Variants in PTPRT observed in about 807,000 individuals in gnomAD.
PTPRT encodes the protein receptor-type tyrosine-protein phosphatase T.
A neutral mutation model predicts 176.8 loss-of-function variants in PTPRT; 56 were observed. The observed-to-expected ratio is 0.32, with a 90% CI of 0.26 to 0.40. PTPRT has a LOEUF of 0.40. Ranked by LOEUF, PTPRT falls within the 10% of genes least tolerant of loss-of-function variation. The probability of loss-of-function intolerance (pLI) is 1.00; values close to 1 mark genes in which losing one functional copy is unlikely to be tolerated. For missense variants in PTPRT, 1,540 were observed against 1,908.2 expected (o/e 0.81, Z 3.60); for synonymous variants, 783 against 739.0 (o/e 1.06, Z -0.96).
At chr20:42,494,830 A>G (rs1252902910) in intron 7 of PTPRT, among the ~76,000 whole-genome samples, 2 of 152,166 alleles carry the variant, frequency 1.3e-5, no homozygotes, top group Non-Finnish European at 2.9e-5. Context: ...CGTGAAATAA[A>G]TGTTTCCTCT....
intron 13 of PTPRT, among the ~76,000 whole-genome samples, chr20:42,277,041 A>G (rs1252156843): frequency 6.6e-6 from 1 of 152,180 alleles, no homozygotes; most frequent in Admixed American, 6.5e-5. Flanking sequence ...AGGCATATTT[A>G]CAAAAGCCAG....
chr20:43,028,206 A>G (rs2146191574), intron 1 of PTPRT, among the ~76,000 whole-genome samples: 1 of 152,288 alleles, frequency 6.6e-6, no homozygotes, highest in Middle Eastern at 3.4e-3. Context: ...GGACTCAGTT[A>G]CGAGCTGCTC....
chr20:42,345,616 GTGTA>G (rs773320633), intron 11 of PTPRT, among the ~76,000 whole-genome samples: 6,296 of 114,164 alleles, frequency 0.055, 258 homozygotes, highest in Middle Eastern at 0.094. Context: ...GTGTGTGTGT[GTGTA>G]TATATATGTA....
intron 9 of PTPRT, among the ~76,000 whole-genome samples, chr20:42,443,491 C>G (rs1336903141): frequency 6.6e-6 from 1 of 152,246 alleles, no homozygotes; most frequent in Non-Finnish European, 1.5e-5. Flanking sequence ...GCATCTCCCA[C>G]TAAAGTGCAA....
intron 9 of PTPRT, among the ~76,000 whole-genome samples, chr20:42,434,852 C>T (rs188681261): frequency 4.4e-4 from 67 of 151,828 alleles, no homozygotes; most frequent in Non-Finnish European, 7.8e-4. Context: ...GTAATTCCAG[C>T]TACTCAGGAG....
chr20:42,362,003 T>C (rs1158486228), intron 9 of PTPRT, among the ~76,000 whole-genome samples: 1 of 152,236 alleles, frequency 6.6e-6, no homozygotes, highest in Non-Finnish European at 1.5e-5. Flanking sequence ...AACAAATACA[T>C]GCTACATTCT....
At chr20:42,757,956 T>C (rs2076859801) in intron 5 of PTPRT, among the ~76,000 whole-genome samples, 1 of 152,240 alleles carries the variant, frequency 6.6e-6, no homozygotes, top group Non-Finnish European at 1.5e-5. Context: ...CTTCATTGTG[T>C]CTTCACAGCC....
At chr20:42,443,129 A>C (rs966791561) in intron 9 of PTPRT, among the ~76,000 whole-genome samples, 23 of 152,240 alleles carry the variant, frequency 1.5e-4, no homozygotes, top group African/African-American at 5.5e-4. Context: ...GCATTAAATG[A>C]TCACGTTATT....
intron 1 of PTPRT, among the ~76,000 whole-genome samples, chr20:42,915,535 A>G (rs1292900005): frequency 6.6e-6 from 1 of 152,234 alleles, no homozygotes; most frequent in Admixed American, 6.5e-5. Context: ...GCATAGAGGC[A>G]GCCACCTTAA....
Position 42,161,451 on chromosome 20 carries a change from G to T in PTPRT, c.2583C>A (p.Pro861=). 1 of 1,614,166 alleles carries T rather than the reference G, an allele frequency of 6.2e-7. No homozygotes were observed. Among genetic ancestry groups the T allele is most frequent in the Non-Finnish European group, 8.5e-7 (1 of 1,180,020 alleles). Residue 861 remains proline (P), a synonymous_variant, in exon 17 of 31, where the codon CCC becomes CCA. Transcript: ENST00000373187. ...RTCDPVEMSY[P]RDQFQPAIRV... is the part of the protein sequence containing the mutation. ...GGATGGCGGGTTGGAACTGGTCCCG[G>T]GGGTAGCTCATCTCCACAGGGTCAC...
chr20:42,742,346 C>A (rs962177738), intron 6 of PTPRT, among the ~76,000 whole-genome samples: 1 of 152,230 alleles, frequency 6.6e-6, no homozygotes, highest in African/African-American at 2.4e-5. Context: ...AGCCTCCCTG[C>A]AGTAGCACCA....
intron 7 of PTPRT, among the ~76,000 whole-genome samples, chr20:42,499,276 T>C (rs974329465): frequency 2.0e-5 from 3 of 152,000 alleles, no homozygotes; most frequent in Admixed American, 6.6e-5. Context: ...TCTGTATATG[T>C]GTAAGTTTTG....
intron 2 of PTPRT, among the ~76,000 whole-genome samples, chr20:42,819,679 T>C (rs747807442): frequency 1.1e-4 from 16 of 151,442 alleles, no homozygotes; most frequent in Non-Finnish European, 1.8e-4. Context: ...AAGACATACA[T>C]GGGCTCAAAA....
At chr20:42,324,207 G>A (rs1176000955) in intron 11 of PTPRT, among the ~76,000 whole-genome samples, 2 of 152,156 alleles carry the variant, frequency 1.3e-5, no homozygotes, top group Non-Finnish European at 2.9e-5. Context: ...ATAAACTACT[G>A]CTACAATCTG....
At chr20:42,954,016 G>A (rs76682745) in intron 1 of PTPRT, among the ~76,000 whole-genome samples, 11,123 of 152,090 alleles carry the variant, frequency 0.073, 1,179 homozygotes, top group African/African-American at 0.23. Context: ...GATAATGGAC[G>A]AGTCTGGGAG....
chr20:42,722,386 C>A (rs2076317450), intron 6 of PTPRT, among the ~76,000 whole-genome samples: 5 of 152,202 alleles, frequency 3.3e-5, no homozygotes. Flanking sequence ...GTGACTAAAT[C>A]CCCTGGACAT....
chr20:43,176,310 T>C (rs1316134243), intron 1 of PTPRT, among the ~76,000 whole-genome samples: 2 of 152,096 alleles, frequency 1.3e-5, no homozygotes, highest in African/African-American at 4.8e-5. Flanking sequence ...ACTGTGCCAC[T>C]GTACTCTAGC....
At chr20:42,569,539 A>C (rs1184961375) in intron 7 of PTPRT, among the ~76,000 whole-genome samples, 1 of 152,140 alleles carries the variant, frequency 6.6e-6, no homozygotes, top group Non-Finnish European at 1.5e-5. Context: ...CAAATGCCTG[A>C]GTCTGCACCC....
intron 1 of PTPRT, among the ~76,000 whole-genome samples, chr20:43,144,887 T>C (rs2146407915): frequency 6.6e-6 from 1 of 152,328 alleles, no homozygotes; most frequent in Non-Finnish European, 1.5e-5. Flanking sequence ...CAGTCATCAG[T>C]TACCCCCAGG....
Sources: gnomAD v4.1 joint callset for allele counts (sites outside exome capture counted in the v4.1 genomes callset) on GRCh38, gnomAD v4.1.1 for gene constraint, MANE v1.5 for transcripts, NCBI Gene and HGNC (gene_info 2026-07-23, HGNC 2026-07-21) for gene names.